Variants in CDC34 observed in about 807,000 individuals in gnomAD.
CDC34 encodes cell division cycle 34, ubiquitin conjugating enzyme.
Under a neutral mutation model 26.8 loss-of-function variants are expected in CDC34, and 18 were observed. The ratio of observed to expected loss-of-function variants is 0.67; its 90% CI spans 0.47 to 1.00. CDC34 has a LOEUF of 1.00. Among genes scored for constraint, CDC34 ranks in the 50% least tolerant of loss-of-function variants. The pLI, the probability that CDC34 is intolerant of heterozygous loss-of-function variation, is 0.00. For missense variants in CDC34, 280 were observed against 334.5 expected (o/e 0.84, Z 1.27); for synonymous variants, 178 against 147.5 (o/e 1.21, Z -1.50).
intron 1 of CDC34, among the ~76,000 whole-genome samples, chr19:535,408 C>T (rs1979693645): frequency 4.6e-5 from 7 of 152,270 alleles, no homozygotes; most frequent in Admixed American, 3.9e-4. Flanking sequence ...TGCCAAGGCC[C>T]TGGAGGTGCA....
chr19:536,191 G>A (rs1167146087), intron 2 of CDC34, 52 bp from the exon 3 acceptor site: 2 of 1,434,924 alleles, frequency 1.4e-6, no homozygotes, highest in East Asian at 2.4e-5. Flanking sequence ...CTGGGGCACT[G>A]GGAGCCCGTG....
chr19:536,216 G>C, intron 2 of CDC34, 27 bp from the exon 3 acceptor site: 2 of 1,578,978 alleles, frequency 1.3e-6, no homozygotes, highest in Non-Finnish European at 1.7e-6. Flanking sequence ...CCTCTGACCT[G>C]TTCTGACCTG....
At chr19:540,117 GC>G (rs1264195390) in intron 4 of CDC34, among the ~76,000 whole-genome samples, 5 of 56,968 alleles carry the variant, frequency 8.8e-5, no homozygotes, top group East Asian at 1.6e-3. Context: ...GGGTGGCCAG[GC>G]CCCCCACGTT....
At chr19:536,172 C>T in intron 2 of CDC34, 71 bp from the exon 3 acceptor site, 1 of 1,276,202 alleles carries the variant, frequency 7.8e-7, no homozygotes, top group African/African-American at 1.5e-5. Flanking sequence ...CGTCCTCATC[C>T]TCCGGGACCT....
chr19:541,038 G>A (rs879717764), intron 4 of CDC34, among the ~76,000 whole-genome samples: 3 of 152,182 alleles, frequency 2.0e-5, no homozygotes, highest in South Asian at 2.1e-4. Flanking sequence ...TGCCGGCATC[G>A]TTATTTTCTC....
intron 1 of CDC34, among the ~76,000 whole-genome samples, chr19:533,579 T>A (rs748214921): frequency 1.6e-4 from 24 of 152,210 alleles, no homozygotes; most frequent in Middle Eastern, 3.2e-3. Flanking sequence ...GGGGAGCAGC[T>A]GGCTGAGGAG....
rs17841758 is a variant in CDC34 at position 536,756 on chromosome 19, G to A, written c.363-257G>A. On this transcript the variant is annotated intron_variant, in intron 3 of 4. Coordinates refer to ENST00000215574, the MANE Select transcript of CDC34 (RefSeq NM_004359.2). ...GGAGTGTAGTCTAGGCAGGACGTGCGGGTGTGAGGGCAGCCCCGGGTCTGA... is the reference window on the plus strand; with the variant it reads ...GGAGTGTAGTCTAGGCAGGACGTGCAGGTGTGAGGGCAGCCCCGGGTCTGA... 1.5e-3 allele frequency: 833 copies of A among 564,276 alleles called. 4 individuals are homozygous for A. Among genetic ancestry groups the A allele is most frequent in the African/African-American group, 0.013 (669 of 53,290 alleles). 35.0% of individuals were successfully genotyped at this position (564,276 alleles called of 1,614,324 possible).
rs779316199 is a variant in CDC34 at position 541,330 on chromosome 19, T to TC, written c.498-3dup. On this transcript the variant is annotated splice_polypyrimidine_tract_variant and intron_variant, in intron 4 of 4. Coordinates refer to ENST00000215574, the MANE Select transcript of CDC34 (RefSeq NM_004359.2). Reference sequence around the variant, plus strand: ...GTGGGTGGCGCCCTCACCCACCCTGTCCCCCCAGGAAGCAGGTCCTGGGGA... The same window carrying TC: ...GTGGGTGGCGCCCTCACCCACCCTGTCCCCCCCAGGAAGCAGGTCCTGGGGA... 6.5e-7 allele frequency: 1 copy of TC among 1,549,888 alleles called. No homozygotes were observed. Among genetic ancestry groups the TC allele is most frequent in the East Asian group, 2.4e-5 (1 of 42,002 alleles).
At chr19:534,343 C>T (rs548802366) in intron 1 of CDC34, among the ~76,000 whole-genome samples, 13 of 151,336 alleles carry the variant, frequency 8.6e-5, no homozygotes, top group South Asian at 2.1e-4. Context: ...CAGGAGGGGC[C>T]CGTCCACGAT....
chr19:533,877 A>T (rs1020209765), intron 1 of CDC34, among the ~76,000 whole-genome samples: 1 of 152,140 alleles, frequency 6.6e-6, no homozygotes, highest in African/African-American at 2.4e-5. Flanking sequence ...GGAGCGTGGA[A>T]ATACAGAACC....
intron 4 of CDC34, among the ~76,000 whole-genome samples, chr19:538,494 T>C (rs1199968836): frequency 1.3e-5 from 2 of 151,720 alleles, no homozygotes; most frequent in Admixed American, 6.6e-5. Context: ...ACGGCCTTAA[T>C]GGTTCCTGCT....
At position 541,800 on chromosome 19, in the gene CDC34, T is replaced by G; in HGVS notation, c.*248T>G. On this transcript the variant is annotated 3_prime_UTR_variant, in exon 5 of 5. Coordinates refer to ENST00000215574, the MANE Select transcript of CDC34 (RefSeq NM_004359.2). Reference sequence around the variant, plus strand: ...CCAGGGTGGGAGCGGCCGGCCCACCTGTCCCCTCGGGAGGGGAGCTGAGCC... The same window carrying G: ...CCAGGGTGGGAGCGGCCGGCCCACCGGTCCCCTCGGGAGGGGAGCTGAGCC... The G allele has an allele frequency of 6.0e-6, 2 of 332,906 alleles. No individual in the cohort carries two copies. The highest frequency in any genetic ancestry group is 5.5e-6 in the Non-Finnish European group (1 of 183,252). The allele number at this position is 332,906 out of a possible 1,614,324, so 20.6% of individuals were successfully genotyped here. A position where few individuals can be genotyped will look rare whatever the true frequency, so the allele number is the denominator to read the frequency against.
intron 3 of CDC34, chr19:536,773 C>G (rs1005703265): frequency 1.7e-6 from 1 of 574,014 alleles, no homozygotes; most frequent in Non-Finnish European, 3.1e-6. Context: ...AGGGCAGCCC[C>G]GGGTCTGACG....
At chr19:534,199 C>A (rs890477034) in intron 1 of CDC34, among the ~76,000 whole-genome samples, 1 of 152,110 alleles carries the variant, frequency 6.6e-6, no homozygotes, top group African/African-American at 2.4e-5. Context: ...CTTGGGGAAC[C>A]GCAGGACAGT....
At chr19:539,339 G>A (rs1364222494) in intron 4 of CDC34, among the ~76,000 whole-genome samples, 1 of 151,320 alleles carries the variant, frequency 6.6e-6, no homozygotes, top group African/African-American at 2.4e-5. Context: ...CGTCCCCGGG[G>A]CACCGTCACC....
intron 4 of CDC34, among the ~76,000 whole-genome samples, chr19:539,604 C>T (rs948809481): frequency 5.9e-5 from 9 of 152,194 alleles, no homozygotes; most frequent in Admixed American, 1.3e-4. Flanking sequence ...TCCCTGGTGC[C>T]CTCCCATGCG....
Position 541,848 on chromosome 19 carries a change from G to C in CDC34, c.*296G>C, listed in dbSNP as rs1215200644. 8.3e-6 allele frequency: 2 copies of C among 241,700 alleles called. No homozygotes were observed. Among genetic ancestry groups the C allele is most frequent in the Admixed American group, 5.3e-5 (1 of 18,784 alleles). The allele number at this position is 241,700 out of a possible 1,614,324, so 15.0% of individuals were successfully genotyped here. A position where few individuals can be genotyped will look rare whatever the true frequency, so the allele number is the denominator to read the frequency against. ...GCCCGACTTCTACCGGGGTCCCCCA[G>C]CTTCCGGACTGGCCGCACCCCGGAG... On this transcript the variant is annotated 3_prime_UTR_variant, in exon 5 of 5. Coordinates refer to ENST00000215574, the MANE Select transcript of CDC34 (RefSeq NM_004359.2).
At chr19:534,418 TA>T (rs1979634839) in intron 1 of CDC34, among the ~76,000 whole-genome samples, 1 of 138,902 alleles carries the variant, frequency 7.2e-6, no homozygotes, top group Non-Finnish European at 1.5e-5. Context: ...GACCCCCGAG[TA>T]CCCTCCCTGT....
chr19:539,689 C>T (rs1979923253), intron 4 of CDC34, among the ~76,000 whole-genome samples: 1 of 152,162 alleles, frequency 6.6e-6, no homozygotes, highest in African/African-American at 2.4e-5. Flanking sequence ...GTGATAGGGG[C>T]TCGAGCCCAT....
Sources: gnomAD v4.1 joint callset for allele counts (sites outside exome capture counted in the v4.1 genomes callset) on GRCh38, gnomAD v4.1.1 for gene constraint, MANE v1.5 for transcripts, NCBI Gene and HGNC (gene_info 2026-07-23, HGNC 2026-07-21) for gene names.